The following PTPN14 variants were observed in gnomAD, a reference collection of about 807,000 sequenced individuals.
The protein encoded by PTPN14 is tyrosine-protein phosphatase non-receptor type 14.
A neutral mutation model predicts 126.8 loss-of-function variants in PTPN14; 53 were observed. The ratio of observed to expected loss-of-function variants is 0.42; its 90% CI spans 0.34 to 0.53. PTPN14 has a LOEUF of 0.53. Ranked by LOEUF, PTPN14 falls within the 20% of genes least tolerant of loss-of-function variation. The pLI, the probability that PTPN14 is intolerant of heterozygous loss-of-function variation, is 0.08. For missense variants in PTPN14, 1,257 were observed against 1,552.9 expected, an observed-to-expected ratio of 0.81 and a Z score of 3.20; for synonymous variants, 630 against 599.3, an observed-to-expected ratio of 1.05 and a Z score of -0.75.
intron 1 of PTPN14, among the ~76,000 whole-genome samples, chr1:214,492,500 G>A (rs80091585): frequency 0.035 from 5,254 of 152,290 alleles, 126 homozygotes; most frequent in Middle Eastern, 0.078. Context: ...ATGACCCTAA[G>A]GAGAATCAGA....
At chr1:214,380,287 C>T (rs1658442942) in intron 13 of PTPN14, among the ~76,000 whole-genome samples, 1 of 152,118 alleles carries the variant, frequency 6.6e-6, no homozygotes, top group African/African-American at 2.4e-5. Flanking sequence ...GTAAGGTGAC[C>T]CTAACTGGGT....
intron 7 of PTPN14, among the ~76,000 whole-genome samples, chr1:214,399,217 T>A (rs1658960196): frequency 6.6e-6 from 1 of 152,182 alleles, no homozygotes; most frequent in South Asian, 2.1e-4. Flanking sequence ...GTAGAATAAA[T>A]CATAGACAAC....
chr1:214,441,065 C>T (rs777370675), intron 3 of PTPN14, among the ~76,000 whole-genome samples: 4 of 152,078 alleles, frequency 2.6e-5, no homozygotes, highest in African/African-American at 9.7e-5. Context: ...AAGGCATGAA[C>T]GGATGTATTT....
Position 214,464,960 on chromosome 1 carries a change from G to T in PTPN14, c.-154-3C>A. 1.1e-5 allele frequency: 9 copies of T among 855,522 alleles called. No homozygotes were observed. The highest frequency in any genetic ancestry group is 3.4e-5 in the African/African-American group (2 of 58,270). 53.0% of individuals were successfully genotyped at this position (855,522 alleles called of 1,614,324 possible). On this transcript the variant is annotated splice_polypyrimidine_tract_variant and splice_region_variant and intron_variant, in intron 1 of 18. Coordinates refer to ENST00000366956, the MANE Select transcript of PTPN14 (RefSeq NM_005401.5). Reference sequence around the variant, plus strand: ...CAGTGTGGCCCTCTGGAAGATAGCTGTAAATGCAAAAGAAATGCCATGGTC... The same window carrying T: ...CAGTGTGGCCCTCTGGAAGATAGCTTTAAATGCAAAAGAAATGCCATGGTC...
intron 1 of PTPN14, among the ~76,000 whole-genome samples, chr1:214,544,850 A>AG (rs1208696060): frequency 6.6e-6 from 1 of 151,500 alleles, no homozygotes; most frequent in African/African-American, 2.4e-5. Context: ...AGGGAAGAGG[A>AG]GGTGAGAGAG....
intron 17 of PTPN14, among the ~76,000 whole-genome samples, chr1:214,366,788 C>T (rs577917239): frequency 8.5e-5 from 13 of 152,138 alleles, no homozygotes; most frequent in East Asian, 1.9e-4. Context: ...AGGCGGATCA[C>T]GAGGTCAGGA....
At chr1:214,392,661 C>T (rs768963745) in intron 10 of PTPN14, among the ~76,000 whole-genome samples, 4 of 152,120 alleles carry the variant, frequency 2.6e-5, no homozygotes. Flanking sequence ...AACGTACAGC[C>T]GCTTCACTTG....
At chr1:214,393,514 G>A (rs1043824536) in intron 10 of PTPN14, among the ~76,000 whole-genome samples, 181 bp downstream of exon 10, 2 of 152,118 alleles carry the variant, frequency 1.3e-5, no homozygotes, top group Non-Finnish European at 1.5e-5. Context: ...GCATATGCAC[G>A]ACACTAGACA....
At position 214,523,976 on chromosome 1, in the gene PTPN14, A is replaced by G. The variant is rs374607816; in HGVS notation, c.-155+27207T>C. On this transcript the variant is annotated intron_variant, in intron 1 of 18. Coordinates refer to ENST00000366956, the MANE Select transcript of PTPN14 (RefSeq NM_005401.5). ...GTGATTCTCCTGCCTCAGCCTCCCA[A>G]GTAGCTAGGATTATAGGCATGCACC... 2.6e-5 allele frequency among the ~76,000 whole-genome samples: 4 copies of G among 151,462 alleles called. 1 individual carries two copies. Among genetic ancestry groups the G allele is most frequent in the South Asian group, 2.1e-4 (1 of 4,784 alleles).
chr1:214,502,524 T>C (rs943541005), intron 1 of PTPN14, among the ~76,000 whole-genome samples: 1 of 152,136 alleles, frequency 6.6e-6, no homozygotes, highest in Admixed American at 6.5e-5. Context: ...TCAACTTATT[T>C]TTTATTTATT....
At chr1:214,405,959 C>T (rs778847711) in intron 5 of PTPN14, among the ~76,000 whole-genome samples, 5 of 152,194 alleles carry the variant, frequency 3.3e-5, no homozygotes, top group African/African-American at 4.8e-5. Flanking sequence ...AAAGGTGCCA[C>T]GAGATTGCCA....
chr1:214,465,950 C>CATTTTTTTTTTTTTTTTTTTT (rs1558115729), intron 1 of PTPN14, among the ~76,000 whole-genome samples: 1 of 18,476 alleles, frequency 5.4e-5, no homozygotes, highest in Non-Finnish European at 1.1e-4. Flanking sequence ...TCAGTTACTT[C>CATTTTTTTTTTTTTTTTTTTT]CTTTTTTTTT....
chr1:214,436,532 CA>C (rs1659920201), intron 3 of PTPN14, among the ~76,000 whole-genome samples: 1 of 152,172 alleles, frequency 6.6e-6, no homozygotes. Flanking sequence ...TACAGTGGCT[CA>C]TGCCTGTAAT....
Position 214,368,873 on chromosome 1 carries a change from T to C in PTPN14, c.3271+584A>G, listed in dbSNP as rs370467336. On this transcript the variant is annotated intron_variant, in intron 17 of 18. Coordinates refer to ENST00000366956, the MANE Select transcript of PTPN14 (RefSeq NM_005401.5). The stretch of plus-strand genomic sequence containing the variant: ...TGGCTGTGCCTATAGTCCCAGCTAC[T>C]TGGGAGGCTGAGGCAGGAGAATTGC... 2.4e-4 allele frequency among the ~76,000 whole-genome samples: 37 copies of C among 152,276 alleles called. No individual in the cohort carries two copies. The East Asian group carries it at 7.0e-3, about 29-fold the overall frequency.
chr1:214,486,103 T>A (rs145519710), intron 1 of PTPN14, among the ~76,000 whole-genome samples: 1 of 152,136 alleles, frequency 6.6e-6, no homozygotes, highest in African/African-American at 2.4e-5. Context: ...TCAGAATTAC[T>A]CTGCAGGCAG....
intron 3 of PTPN14, among the ~76,000 whole-genome samples, chr1:214,433,168 G>A (rs935682608): frequency 1.2e-4 from 18 of 152,050 alleles, no homozygotes; most frequent in African/African-American, 4.3e-4. Flanking sequence ...CTCCCAAAGT[G>A]CTGGGATTAC....
chr1:214,370,318 C>T (rs995018814), intron 16 of PTPN14, among the ~76,000 whole-genome samples: 4 of 151,308 alleles, frequency 2.6e-5, no homozygotes, highest in African/African-American at 4.9e-5. Flanking sequence ...CGAAGGTCTT[C>T]GGGGTGGCTG....
At chr1:214,460,185 T>C (rs951778620) in intron 2 of PTPN14, among the ~76,000 whole-genome samples, 17 of 152,138 alleles carry the variant, frequency 1.1e-4, no homozygotes, top group Admixed American at 1.3e-4. Flanking sequence ...ATCAGACTTG[T>C]TATGAGAACT....
At chr1:214,519,544 A>G (rs1371812122) in intron 1 of PTPN14, among the ~76,000 whole-genome samples, 1 of 151,876 alleles carries the variant, frequency 6.6e-6, no homozygotes, top group East Asian at 1.9e-4. Flanking sequence ...ATACTAAAGC[A>G]CTCTTATTTG....
Sources: allele counts gnomAD v4.1 joint callset (sites outside exome capture counted in the v4.1 genomes callset), GRCh38; gene constraint gnomAD v4.1.1; transcripts MANE v1.5; gene names NCBI Gene and HGNC (gene_info 2026-07-23, HGNC 2026-07-21).